The following ITPA variants were observed in gnomAD, a reference collection of about 807,000 sequenced individuals.
The protein encoded by ITPA is inosine triphosphate pyrophosphatase.
Under a neutral mutation model 29.6 loss-of-function variants are expected in ITPA, and 29 were observed. That is an observed-to-expected ratio of 0.98 (90% confidence interval 0.73 to 1.34). The LOEUF (loss-of-function observed/expected upper bound fraction) is 1.34. Ranked by LOEUF, ITPA falls within the 40% of genes most tolerant of loss-of-function variation. The pLI, the probability that ITPA is intolerant of heterozygous loss-of-function variation, is 0.00. For synonymous variants in ITPA, 103 were observed against 99.3 expected (o/e 1.04, Z -0.22); for missense variants, 241 against 251.5 (o/e 0.96, Z 0.28).
chr20:3,218,546 G>T lies in ITPA; in HGVS notation c.325G>T (p.Asp109Tyr), dbSNP rs2067370892. Residue 109 changes from aspartate to tyrosine, a missense_variant, in exon 6 of 8, where the codon GAC (aspartate) becomes TAC (tyrosine). Asp to Tyr is a radical substitution (Grantham distance 160). Transcript: ENST00000380113. ...GLHQLLAGFE[D>Y]KSAYALCTFA... ...CCACCAGCTCCTGGCCGGGTTCGAG[G>T]ACAAGTCAGCCTATGCGCTCTGCAC... is the stretch of plus-strand genomic sequence containing the variant. 12 of 1,613,972 alleles carry T rather than the reference G, an allele frequency of 7.4e-6. No individual in the cohort carries two copies. The highest frequency in any genetic ancestry group is 9.3e-6 in the Non-Finnish European group (11 of 1,180,038).
chr20:3,209,432 G>A (rs2067119313), upstream of ITPA: 1 of 941,932 alleles, frequency 1.1e-6, no homozygotes, highest in Non-Finnish European at 1.7e-6. The surrounding 1 kb of genome is among the most constrained non-coding windows in gnomAD (Gnocchi z 4.6). Context: ...GGTCCGGGTC[G>A]GCTTTCCCCG....
chr20:3,210,871 T>A (rs889772806), intron 1 of ITPA, among the ~76,000 whole-genome samples: 4 of 151,912 alleles, frequency 2.6e-5, no homozygotes, highest in African/African-American at 9.7e-5. Flanking sequence ...GCCAACATCA[T>A]GAAACTTCAT....
At chr20:3,216,158 T>G (rs2067291823) in intron 5 of ITPA, among the ~76,000 whole-genome samples, 1 of 44,046 alleles carries the variant, frequency 2.3e-5, no homozygotes, top group Non-Finnish European at 4.4e-5. Context: ...GCTGGCTAAG[T>G]TTTTTTTTTT....
At position 3,213,978 on chromosome 20, in the gene ITPA, G is replaced by A. The variant is rs1600504484; in HGVS notation, c.190-7G>A. 2.5e-6 allele frequency: 4 copies of A among 1,614,042 alleles called. No individual in the cohort carries two copies. Among genetic ancestry groups the A allele is most frequent in the African/African-American group, 2.7e-5 (2 of 74,946 alleles). ...GGGTCTCAGGGCTGTATGTCTTTGT[G>A]CTGCAGGTACAGGGGCCCGTGCTGG... On this transcript the variant is annotated splice_polypyrimidine_tract_variant and splice_region_variant and intron_variant, in intron 3 of 7. Coordinates refer to ENST00000380113, the MANE Select transcript of ITPA (RefSeq NM_033453.4).
chr20:3,204,516 T>G (rs1025721803), upstream of ITPA: 11 of 1,547,070 alleles, frequency 7.1e-6, no homozygotes, highest in Non-Finnish European at 9.5e-6. Flanking sequence ...CCACCAACCC[T>G]GGTGCAGCGG....
upstream of ITPA, among the ~76,000 whole-genome samples, chr20:3,208,479 G>A (rs894740216): frequency 1.3e-5 from 2 of 152,116 alleles, no homozygotes; most frequent in South Asian, 2.1e-4. Context: ...GAATTCAGGC[G>A]ATTCTCCTGA....
At chr20:3,218,347 A>C (rs766896940) in intron 5 of ITPA, among the ~76,000 whole-genome samples, 170 bp from the exon 6 acceptor site, 2 of 152,140 alleles carry the variant, frequency 1.3e-5, no homozygotes, top group Non-Finnish European at 2.9e-5. Context: ...AGAGACTTCC[A>C]TTTCAAGCCT....
At chr20:3,211,978 G>A (rs2067186442) in intron 1 of ITPA, among the ~76,000 whole-genome samples, 1 of 152,126 alleles carries the variant, frequency 6.6e-6, no homozygotes, top group South Asian at 2.1e-4. Context: ...TTGAGCCGAG[G>A]AGTTCAAGAC....
intron 5 of ITPA, among the ~76,000 whole-genome samples, chr20:3,215,597 T>C (rs911090747): frequency 6.6e-6 from 1 of 152,214 alleles, no homozygotes; most frequent in Non-Finnish European, 1.5e-5. Context: ...AGCCAGGGCC[T>C]GCCCTGGGAG....
upstream of ITPA, chr20:3,204,715 C>A: frequency 1.5e-6 from 2 of 1,333,606 alleles, no homozygotes; most frequent in Non-Finnish European, 2.1e-6. Context: ...TAGACTCCGC[C>A]CACTACTCGG....
At position 3,215,452 on chromosome 20, in the gene ITPA, AGCACCT is replaced by A; in HGVS notation, c.295+144_295+149del. 3 of 742,730 alleles carry A rather than the reference AGCACCT, an allele frequency of 4.0e-6. No homozygotes were observed. The South Asian group carries it at 4.4e-5, about 11-fold the overall frequency. 46.0% of individuals were successfully genotyped at this position (742,730 alleles called of 1,614,324 possible). On this transcript the variant is annotated intron_variant, in intron 5 of 7. Coordinates refer to ENST00000380113, the MANE Select transcript of ITPA (RefSeq NM_033453.4). Reference sequence around the variant, plus strand: ...AGCCTCCACCTCATTTTCCCCATCTAGCACCTGCAGCTCGTACCCTGTACTCCAGAG... The same window carrying A: ...AGCCTCCACCTCATTTTCCCCATCTAGCAGCTCGTACCCTGTACTCCAGAG...
downstream of ITPA, among the ~76,000 whole-genome samples, chr20:3,226,451 CG>C (rs1037747464): frequency 3.3e-5 from 5 of 152,134 alleles, no homozygotes; most frequent in African/African-American, 1.2e-4. The surrounding 1 kb of genome is among the most constrained non-coding windows in gnomAD (Gnocchi z 4.4). Flanking sequence ...GATTGGTTCT[CG>C]GGGCCCTGGG....
rs1465773122 is a variant in ITPA, at chr20:3,213,330, C to CA, written c.137dup (p.Glu48GlyfsTer4). 6.2e-7 allele frequency: 1 copy of CA among 1,613,948 alleles called. No individual in the cohort carries two copies. The highest frequency in any genetic ancestry group is 1.3e-5 in the African/African-American group (1 of 74,868). On this transcript the variant is annotated frameshift_variant, in exon 3 of 8. Coordinates refer to ENST00000380113, the MANE Select transcript of ITPA (RefSeq NM_033453.4). LOFTEE classifies it high-confidence loss of function. ...GTTTCCCTGATAAGTGCCGGAGTAC[C>CA]AGGGGGAGCCGGATGAGATTTCCAT...
chr20:3,213,922 C>T, intron 3 of ITPA, 63 bp from the exon 4 acceptor site: 2 of 1,566,670 alleles, frequency 1.3e-6, no homozygotes, highest in Non-Finnish European at 1.8e-6. Context: ...ACGCGGGTGA[C>T]CTGGACGTTC....
At chr20:3,220,919 GT>G (rs1470827307) in intron 6 of ITPA, among the ~76,000 whole-genome samples, 1 of 151,950 alleles carries the variant, frequency 6.6e-6, no homozygotes, top group Middle Eastern at 3.2e-3. Context: ...GTGTTTGTTT[GT>G]TTGTTTGGAG....
upstream of ITPA, chr20:3,204,629 A>C (rs374025204): frequency 5.7e-6 from 9 of 1,580,940 alleles, no homozygotes; most frequent in Non-Finnish European, 7.7e-6. Flanking sequence ...CGCCACCATG[A>C]CGAGGGCCTC....
At chr20:3,210,831 A>G (rs557467104) in intron 1 of ITPA, among the ~76,000 whole-genome samples, 21 of 152,164 alleles carry the variant, frequency 1.4e-4, no homozygotes, top group African/African-American at 5.1e-4. Flanking sequence ...TGGGCAGAAC[A>G]TCTGAGGTCA....
At chr20:3,216,322 G>T (rs1441150982) in intron 5 of ITPA, among the ~76,000 whole-genome samples, 2 of 151,464 alleles carry the variant, frequency 1.3e-5, no homozygotes, top group Admixed American at 6.6e-5. Context: ...ACCATGCCCA[G>T]CTAATTTTTG....
downstream of ITPA, chr20:3,227,312 G>T: frequency 4.5e-6 from 1 of 219,960 alleles, no homozygotes; most frequent in African/African-American, 2.3e-5. Context: ...ACAGACCACA[G>T]GTGGCACTCC....
Sources: gnomAD v4.1 joint callset for allele counts (sites outside exome capture counted in the v4.1 genomes callset) on GRCh38, gnomAD v4.1.1 for gene constraint, Gnocchi (gnomAD v3.1) non-coding constraint, MANE v1.5 for transcripts, NCBI Gene and HGNC (gene_info 2026-07-23, HGNC 2026-07-21) for gene names.